ARIH2: variants seen among roughly 807,000 people sequenced by gnomAD.
ARIH2 encodes the protein E3 ubiquitin-protein ligase ARIH2.
Under a neutral mutation model 79.8 loss-of-function variants are expected in ARIH2, and 12 were observed. That is an observed-to-expected ratio of 0.15 (90% CI 0.10 to 0.24). The LOEUF is 0.24. ARIH2 is among the 10% of genes least tolerant of loss of function. The pLI is 1.00. For synonymous variants in ARIH2, 224 were observed against 213.9 expected, an observed-to-expected ratio of 1.05 and a Z score of -0.41; for missense variants, 301 against 618.3, an observed-to-expected ratio of 0.49 and a Z score of 5.44.
intron 3 of ARIH2, among the ~76,000 whole-genome samples, chr3:48,941,375 G>T (rs527644340): frequency 1.3e-5 from 2 of 152,158 alleles, no homozygotes; most frequent in South Asian, 4.2e-4. Context: ...TGGGAGATAG[G>T]GAGCAATTTA....
chr3:48,936,563 T>TTAG (rs2087149194), intron 3 of ARIH2, among the ~76,000 whole-genome samples: 1 of 151,736 alleles, frequency 6.6e-6, no homozygotes, highest in African/African-American at 2.4e-5. Context: ...TGAAACCCTG[T>TTAG]CTCTACTAAA....
intron 4 of ARIH2, among the ~76,000 whole-genome samples, chr3:48,962,244 G>T (rs1232664029): frequency 6.6e-6 from 1 of 151,968 alleles, no homozygotes; most frequent in Non-Finnish European, 1.5e-5. Context: ...TGGCGTGGTG[G>T]TGCACTCCTG....
chr3:48,956,453 T>C (rs2090590992), intron 3 of ARIH2, among the ~76,000 whole-genome samples: 1 of 126,372 alleles, frequency 7.9e-6, no homozygotes, highest in African/African-American at 3.0e-5. Context: ...TTTTTTTTTT[T>C]TTTTTTTTTT....
chr3:48,937,244 C>T (rs2107140022), intron 3 of ARIH2, among the ~76,000 whole-genome samples: 1 of 152,332 alleles, frequency 6.6e-6, no homozygotes, highest in East Asian at 1.9e-4. Flanking sequence ...CTCTTCAATT[C>T]TGTCACCATC....
intron 1 of ARIH2, among the ~76,000 whole-genome samples, chr3:48,921,826 A>T (rs2106798075): frequency 1.3e-5 from 2 of 150,876 alleles, no homozygotes; most frequent in African/African-American, 4.9e-5. Flanking sequence ...ATCTTGGCTC[A>T]CTGCAGCCTC....
intron 3 of ARIH2, among the ~76,000 whole-genome samples, chr3:48,931,755 GCCTGTAAT>G (rs1298001528): frequency 1.3e-5 from 2 of 152,074 alleles, no homozygotes; most frequent in African/African-American, 4.8e-5. Context: ...GGTGGCTCAC[GCCTGTAAT>G]CCGAGTACTT....
chr3:48,950,580 T>G (rs2089819770), intron 3 of ARIH2, among the ~76,000 whole-genome samples: 1 of 152,200 alleles, frequency 6.6e-6, no homozygotes, highest in Admixed American at 6.6e-5. Context: ...GTGATTTTGA[T>G]TGGGATTTTC....
intron 3 of ARIH2, among the ~76,000 whole-genome samples, chr3:48,937,053 C>T (rs1386845933): frequency 6.6e-6 from 1 of 152,054 alleles, no homozygotes; most frequent in East Asian, 1.9e-4. Flanking sequence ...AATGATTTCA[C>T]AGTGATGACC....
intron 3 of ARIH2, among the ~76,000 whole-genome samples, chr3:48,952,989 G>A (rs1447988995): frequency 6.6e-6 from 1 of 151,932 alleles, no homozygotes; most frequent in Non-Finnish European, 1.5e-5. Flanking sequence ...GAGTGCAGTG[G>A]CGCGATCTTG....
intron 2 of ARIH2, among the ~76,000 whole-genome samples, chr3:48,923,458 T>G (rs1181869058): frequency 1.4e-5 from 2 of 145,840 alleles, no homozygotes; most frequent in Non-Finnish European, 3.0e-5. Context: ...ATTAATAGGG[T>G]TTTTTTTTTA....
intron 3 of ARIH2, among the ~76,000 whole-genome samples, chr3:48,956,965 G>A (rs942240841): frequency 5.3e-5 from 8 of 151,332 alleles, no homozygotes; most frequent in African/African-American, 1.7e-4. Flanking sequence ...TGCCCGCCTC[G>A]GCCTCCCAAA....
rs1425235862 is a variant in ARIH2, at chr3:48,918,912, G to C, written c.-248G>C. On this transcript the variant is annotated 5_prime_UTR_variant, in exon 1 of 16. Coordinates refer to ENST00000356401, the MANE Select transcript of ARIH2 (RefSeq NM_006321.4). Reference sequence around the variant, plus strand: ...CCGGCGTCGGCCCGCCGCCTCCGCTGCCGCTTCGCCCCAATCCGGTCCCTC... The same window carrying C: ...CCGGCGTCGGCCCGCCGCCTCCGCTCCCGCTTCGCCCCAATCCGGTCCCTC... 5 of 1,600,650 alleles carry C rather than the reference G, an allele frequency of 3.1e-6. No homozygotes were observed. The highest frequency in any genetic ancestry group is 8.5e-7 in the Non-Finnish European group (1 of 1,176,852).
At chr3:48,970,540 T>C in intron 7 of ARIH2, 55 bp from the exon 8 acceptor site, 1 of 1,248,294 alleles carries the variant, frequency 8.0e-7, no homozygotes, top group Non-Finnish European at 1.2e-6. Flanking sequence ...GGGGTTCTGA[T>C]TTTTAGACAG....
intron 4 of ARIH2, among the ~76,000 whole-genome samples, chr3:48,963,409 A>C (rs754388427): frequency 6.6e-6 from 1 of 152,178 alleles, no homozygotes; most frequent in Non-Finnish European, 1.5e-5. Flanking sequence ...GCCCCTCAAT[A>C]AGGATAGCTG....
intron 5 of ARIH2, among the ~76,000 whole-genome samples, chr3:48,966,336 C>T (rs2091790256): frequency 6.6e-6 from 1 of 152,082 alleles, no homozygotes; most frequent in African/African-American, 2.4e-5. Flanking sequence ...TCCCAGTTAA[C>T]TAAAAAGAAC....
At chr3:48,962,450 C>A (rs1210783771) in intron 4 of ARIH2, among the ~76,000 whole-genome samples, 1 of 152,028 alleles carries the variant, frequency 6.6e-6, no homozygotes, top group Non-Finnish European at 1.5e-5. Context: ...TTGAGTATTT[C>A]TTTCCACCTC....
chr3:48,975,248 T>A (rs1273940388), intron 11 of ARIH2: 2 of 583,344 alleles, frequency 3.4e-6, no homozygotes, highest in East Asian at 3.0e-5. Context: ...TCCAAGAAGA[T>A]GATTTCAGGG....
At chr3:48,956,804 T>G (rs1318702833) in intron 3 of ARIH2, among the ~76,000 whole-genome samples, 1 of 151,990 alleles carries the variant, frequency 6.6e-6, no homozygotes, top group Non-Finnish European at 1.5e-5. Flanking sequence ...GTTCAAGCGA[T>G]TCTCCTGCCT....
intron 9 of ARIH2, 182 bp from the exon 10 acceptor site, chr3:48,974,635 T>C: frequency 1.6e-6 from 1 of 644,134 alleles, no homozygotes; most frequent in Non-Finnish European, 2.8e-6. Flanking sequence ...CTAAATGTGC[T>C]GACCTCATTT....
Sources: allele counts gnomAD v4.1 joint callset (sites outside exome capture counted in the v4.1 genomes callset), GRCh38; gene constraint gnomAD v4.1.1; transcripts MANE v1.5; gene names NCBI Gene and HGNC (gene_info 2026-07-23, HGNC 2026-07-21).